Variants in ATP6V0D2 observed in about 807,000 individuals in gnomAD.
ATP6V0D2 encodes V-type proton ATPase subunit d 2.
ATP6V0D2 carries 40 observed loss-of-function variants against 40.0 expected under a neutral mutation model. The observed-to-expected ratio is 1.00, with a 90% confidence interval of 0.78 to 1.30. The LOEUF is 1.30. ATP6V0D2 is among the 50% of genes most tolerant of loss of function. The probability of loss-of-function intolerance (pLI) is 0.00; values close to 1 mark genes in which losing one functional copy is unlikely to be tolerated. For synonymous variants in ATP6V0D2, 179 were observed against 156.3 expected, an observed-to-expected ratio of 1.15 and a Z score of -1.08; for missense variants, 470 against 423.1, an observed-to-expected ratio of 1.11 and a Z score of -0.97.
chr8:86,112,445 G>T (rs1214070744), intron 1 of ATP6V0D2, among the ~76,000 whole-genome samples: 1 of 152,124 alleles, frequency 6.6e-6, no homozygotes, highest in Non-Finnish European at 1.5e-5. Context: ...TCTTGAACAA[G>T]TTACTAACCT....
intron 3 of ATP6V0D2, among the ~76,000 whole-genome samples, 193 bp from the exon 4 acceptor site, chr8:86,141,257 A>C (rs78963100): frequency 0.018 from 2,728 of 152,294 alleles, 85 homozygotes; most frequent in African/African-American, 0.061. Context: ...GGGCTTACAC[A>C]TGATAAATGC....
At chr8:86,135,347 G>C (rs948550432) in intron 2 of ATP6V0D2, among the ~76,000 whole-genome samples, 1 of 152,154 alleles carries the variant, frequency 6.6e-6, no homozygotes, top group Non-Finnish European at 1.5e-5. Flanking sequence ...AAATAAGCTA[G>C]GGAGCAGGAG....
rs1170100952 is a variant in ATP6V0D2, at chr8:86,152,848, G to A, written c.924G>A (p.Gln308=). ...VQMNVLAFNR[Q]FHYGVFYAYV... ...TGAATGTGCTGGCATTCAACAGACA[G>A]TTCCACTACGGTGTGTTTTATGCAT... Residue 308 remains glutamine, a synonymous_variant, in exon 8 of 8, where the codon CAG becomes CAA. Transcript: ENST00000285393. 6.2e-7 allele frequency: 1 copy of A among 1,607,824 alleles called. No individual in the cohort carries two copies. Among genetic ancestry groups the A allele is most frequent in the South Asian group, 1.1e-5 (1 of 89,204 alleles).
rs761219489 is a variant in ATP6V0D2, at chr8:86,139,579, A to G, written c.425A>G (p.Asn142Ser). Residue 142 changes from asparagine to serine, a missense_variant, in exon 3 of 8, where the codon AAC (asparagine) becomes AGC (serine). Transcript: ENST00000285393. ...CGTTTCACAGAAATGGAAGCTGTCA[A>G]CATTGCAGAGACACCTTCAGATCTC... The part of the protein sequence containing the change: ...LGRFTEMEAV[N>S]IAETPSDLFN... 1 of 1,613,572 alleles carries G rather than the reference A, an allele frequency of 6.2e-7. No individual in the cohort carries two copies.
At chr8:86,110,446 G>A (rs1208331068) in intron 1 of ATP6V0D2, among the ~76,000 whole-genome samples, 2 of 152,222 alleles carry the variant, frequency 1.3e-5, no homozygotes, top group African/African-American at 4.8e-5. Flanking sequence ...AATTAAGTTT[G>A]TTGAGGCAGA....
At chr8:86,118,783 A>G (rs1818629604) in intron 2 of ATP6V0D2, among the ~76,000 whole-genome samples, 1 of 151,800 alleles carries the variant, frequency 6.6e-6, no homozygotes, top group Admixed American at 6.5e-5. Context: ...TATGCCGGGG[A>G]CTTTATTAGG....
At chr8:86,149,989 A>C (rs546454299) in intron 5 of ATP6V0D2, 123 bp from the exon 6 acceptor site, 1 of 881,674 alleles carries the variant, frequency 1.1e-6, no homozygotes, top group Non-Finnish European at 1.7e-6. Context: ...TGTCTGGAGT[A>C]TAATTAGACA....
chr8:86,118,785 T>C (rs1818629640), intron 2 of ATP6V0D2, among the ~76,000 whole-genome samples: 1 of 152,218 alleles, frequency 6.6e-6, no homozygotes, highest in Non-Finnish European at 1.5e-5. Context: ...TGCCGGGGAC[T>C]TTATTAGGTT....
chr8:86,133,275 G>C (rs1043340035), intron 2 of ATP6V0D2, among the ~76,000 whole-genome samples: 1 of 143,050 alleles, frequency 7.0e-6, no homozygotes, highest in African/African-American at 2.6e-5. Flanking sequence ...GTTCTCTCTA[G>C]CCAAAGGACC....
Position 86,113,830 on chromosome 8 carries a change from T to C in ATP6V0D2, c.252T>C (p.Tyr84=). 1.2e-6 allele frequency: 2 copies of C among 1,614,002 alleles called. No homozygotes were observed. Among genetic ancestry groups the C allele is most frequent in the South Asian group, 1.1e-5 (1 of 91,056 alleles). ...MRKRLCGEFE[Y]FRNHSLEPLS... The stretch of plus-strand genomic sequence containing the variant: ...AAAGACTATGTGGAGAATTTGAGTA[T>C]TTCCGGAATCATTCCCTGGAGCCCC... The change falls in exon 2 of 8, where the codon TAT becomes TAC. Residue 84 remains tyrosine, a synonymous_variant. Coordinates refer to ENST00000285393, the MANE Select transcript of ATP6V0D2 (RefSeq NM_152565.1).
chr8:86,126,998 A>C (rs1316021650), intron 2 of ATP6V0D2, among the ~76,000 whole-genome samples: 3 of 152,212 alleles, frequency 2.0e-5, no homozygotes, highest in Non-Finnish European at 4.4e-5. Context: ...CTGACTTGTA[A>C]GTAACTTTTC....
chr8:86,129,563 G>A (rs1818789865), intron 2 of ATP6V0D2, among the ~76,000 whole-genome samples: 1 of 152,064 alleles, frequency 6.6e-6, no homozygotes, highest in African/African-American at 2.4e-5. Flanking sequence ...TGTAATCCCT[G>A]CACTTTGGGA....
chr8:86,134,816 T>G (rs912549825), intron 2 of ATP6V0D2, among the ~76,000 whole-genome samples: 2 of 152,182 alleles, frequency 1.3e-5, no homozygotes, highest in African/African-American at 4.8e-5. Flanking sequence ...CTGTGGTATA[T>G]CAATACCATG....
chr8:86,148,084 C>T (rs188516175), intron 5 of ATP6V0D2, among the ~76,000 whole-genome samples: 19 of 152,298 alleles, frequency 1.2e-4, no homozygotes, highest in African/African-American at 3.1e-4. Context: ...ATGCTGCCTA[C>T]GTTGCCCTAA....
chr8:86,121,818 C>T lies in ATP6V0D2; in HGVS notation c.302+7938C>T, dbSNP rs140791466. On this transcript the variant is annotated intron_variant, in intron 2 of 7. Coordinates refer to ENST00000285393, the MANE Select transcript of ATP6V0D2 (RefSeq NM_152565.1). ...ACTTCCTGTCCTATTAGAAAATGCC[C>T]GAGACAACGTTATACAAATGATTAA... Among the ~76,000 whole-genome samples the T allele has an allele frequency of 1.2e-4, 19 of 152,090 alleles. No individual in the cohort carries two copies. The East Asian group carries it at 2.5e-3, about 20-fold the overall frequency.
intron 7 of ATP6V0D2, among the ~76,000 whole-genome samples, chr8:86,152,098 G>A (rs1391795366): frequency 6.6e-6 from 1 of 151,508 alleles, no homozygotes; most frequent in African/African-American, 2.4e-5. Context: ...ACAGGCCCCA[G>A]TGTGTGATGT....
chr8:86,131,573 TC>T (rs1397201906), intron 2 of ATP6V0D2, among the ~76,000 whole-genome samples: 4 of 152,072 alleles, frequency 2.6e-5, no homozygotes, highest in African/African-American at 9.7e-5. Context: ...CGATCTCAGC[TC>T]ACTGCAACTT....
intron 2 of ATP6V0D2, among the ~76,000 whole-genome samples, chr8:86,125,778 T>C (rs1026038631): frequency 1.1e-4 from 16 of 152,264 alleles, no homozygotes; most frequent in African/African-American, 3.8e-4. Flanking sequence ...ATATGCATAG[T>C]TGGGCTTATT....
Position 86,098,998 on chromosome 8 carries a change from T to G in ATP6V0D2, c.20T>G (p.Leu7Arg), listed in dbSNP as rs1315565764. MLEGAE[L>R]YFNVDHGYLE... ...TCCCCCATGCTCGAAGGTGCGGAGC[T>G]GTACTTCAACGTGGACCATGGCTAC... The change falls in exon 1 of 8, where the codon CTG becomes CGG. Residue 7 changes from leucine to arginine, a missense_variant. Transcript: ENST00000285393. 6.2e-7 allele frequency: 1 copy of G among 1,613,988 alleles called. No homozygotes were observed. Among genetic ancestry groups the G allele is most frequent in the Non-Finnish European group, 8.5e-7 (1 of 1,180,018 alleles).
Sources: allele counts gnomAD v4.1 joint callset (sites outside exome capture counted in the v4.1 genomes callset), GRCh38; gene constraint gnomAD v4.1.1; transcripts MANE v1.5; gene names NCBI Gene and HGNC (gene_info 2026-07-23, HGNC 2026-07-21).